The following ARMC2 variants were observed in gnomAD, a reference collection of about 807,000 sequenced individuals.
ARMC2 encodes the protein armadillo repeat-containing protein 2.
Under a neutral mutation model 90.3 loss-of-function variants are expected in ARMC2, and 67 were observed. The ratio of observed to expected loss-of-function variants is 0.74; its 90% confidence interval spans 0.61 to 0.91. The LOEUF (loss-of-function observed/expected upper bound fraction) is 0.91. ARMC2 is among the 40% of genes least tolerant of loss of function. ARMC2 has a pLI of 0.00. For synonymous variants in ARMC2, 393 were observed against 393.0 expected (o/e 1.00, Z 0.00); for missense variants, 920 against 1,030.9 (o/e 0.89, Z 1.47).
intron 12 of ARMC2, among the ~76,000 whole-genome samples, chr6:108,944,082 A>G (rs372561261): frequency 1.3e-5 from 2 of 152,074 alleles, no homozygotes; most frequent in East Asian, 1.9e-4. Flanking sequence ...CTTTAAAACC[A>G]TTTTCTCCAG....
the ARMC2 span, among the ~76,000 whole-genome samples, chr6:109,017,089 T>C: frequency 6.6e-6 from 1 of 152,262 alleles, no homozygotes; most frequent in East Asian, 1.9e-4. Flanking sequence ...GAAAGTTATA[T>C]TGTGAAGGTG....
At chr6:108,932,859 G>T (rs1775687936) in intron 11 of ARMC2, among the ~76,000 whole-genome samples, 1 of 152,096 alleles carries the variant, frequency 6.6e-6, no homozygotes, top group Non-Finnish European at 1.5e-5. Flanking sequence ...CTTTGTTGAA[G>T]ATCATGTGGT....
chr6:108,960,647 G>A (rs73514374), intron 13 of ARMC2, among the ~76,000 whole-genome samples: 4,298 of 152,176 alleles, frequency 0.028, 199 homozygotes, highest in African/African-American at 0.098. Context: ...ATTAAAGCAG[G>A]GTGAGAAAAA....
chr6:108,936,270 G>A (rs1375541710), intron 11 of ARMC2, among the ~76,000 whole-genome samples: 1 of 152,020 alleles, frequency 6.6e-6, no homozygotes, highest in Non-Finnish European at 1.5e-5. Context: ...TTGTTTGTTT[G>A]TTTTGAGGCA....
At chr6:109,039,167 A>AG in the ARMC2 span, among the ~76,000 whole-genome samples, 3 of 152,026 alleles carry the variant, frequency 2.0e-5, no homozygotes, top group South Asian at 2.1e-4. Context: ...GAGGAGGAGA[A>AG]GAAAGAAGAA....
At chr6:108,943,317 G>T (rs1776586435) in intron 12 of ARMC2, among the ~76,000 whole-genome samples, 1 of 152,056 alleles carries the variant, frequency 6.6e-6, no homozygotes, top group African/African-American at 2.4e-5. Context: ...GTTGTGGTGT[G>T]GTTTCACTTT....
downstream of ARMC2, among the ~76,000 whole-genome samples, chr6:108,978,844 G>A (rs1343086684): frequency 6.7e-6 from 1 of 150,082 alleles, no homozygotes; most frequent in African/African-American, 2.4e-5. Context: ...CTTTCTGTTT[G>A]CTTGGTAAAT....
chr6:108,958,163 G>C (rs1229170749), intron 13 of ARMC2, among the ~76,000 whole-genome samples: 1 of 152,146 alleles, frequency 6.6e-6, no homozygotes, highest in Admixed American at 6.5e-5. Flanking sequence ...CCTCATGCTG[G>C]AGTTAGGGCC....
At chr6:108,875,807 A>T (rs748887625) in intron 4 of ARMC2, among the ~76,000 whole-genome samples, 11 of 152,170 alleles carry the variant, frequency 7.2e-5, no homozygotes, top group Non-Finnish European at 1.3e-4. Context: ...TTATGTGATC[A>T]AATTCAGGAG....
chr6:108,975,640 A>G (rs1261276349), downstream of ARMC2, among the ~76,000 whole-genome samples: 1 of 152,116 alleles, frequency 6.6e-6, no homozygotes, highest in African/African-American at 2.4e-5. Flanking sequence ...AAGCATTCCT[A>G]TTTCTCCACA....
intron 10 of ARMC2, among the ~76,000 whole-genome samples, chr6:108,916,824 A>G (rs1052285481): frequency 1.3e-5 from 2 of 152,154 alleles, no homozygotes; most frequent in African/African-American, 4.8e-5. Context: ...CCTCCATCTG[A>G]AAGTCTGTTT....
chr6:108,973,331 C>T (rs749850711), intron 17 of ARMC2, 26 bp from the exon 18 acceptor site: 4 of 1,577,912 alleles, frequency 2.5e-6, no homozygotes, highest in Admixed American at 3.6e-5. Flanking sequence ...CTAAATAATG[C>T]TGTAATTTAA....
intron 5 of ARMC2, among the ~76,000 whole-genome samples, chr6:108,882,370 C>G (rs560166537): frequency 1.3e-5 from 2 of 149,714 alleles, no homozygotes; most frequent in Admixed American, 1.3e-4. Flanking sequence ...ACCCGGGAGG[C>G]AGAGCTTTCA....
chr6:108,879,576 A>G (rs983511265), intron 5 of ARMC2, among the ~76,000 whole-genome samples: 9 of 116,762 alleles, frequency 7.7e-5, no homozygotes, highest in African/African-American at 1.7e-4. Flanking sequence ...CCATCTATCT[A>G]TTCACCCACC....
the ARMC2 span, among the ~76,000 whole-genome samples, chr6:108,985,149 A>C: frequency 3.9e-5 from 6 of 152,192 alleles, no homozygotes; most frequent in African/African-American, 9.7e-5. Context: ...AAAATTTCAG[A>C]GTATATTGAT....
At chr6:109,043,372 A>G in the ARMC2 span, among the ~76,000 whole-genome samples, 55 of 152,264 alleles carry the variant, frequency 3.6e-4, no homozygotes, top group African/African-American at 1.3e-3. Flanking sequence ...AATAAAAGCC[A>G]TACAGATAAA....
chr6:108,907,625 A>C (rs981632604), intron 8 of ARMC2: 16 of 1,583,152 alleles, frequency 1.0e-5, no homozygotes, highest in Non-Finnish European at 1.1e-5. Flanking sequence ...GTATTTGCGG[A>C]GCCACTCGTG....
intron 11 of ARMC2, among the ~76,000 whole-genome samples, chr6:108,933,976 C>T (rs1397408602): frequency 6.6e-6 from 1 of 152,204 alleles, no homozygotes; most frequent in East Asian, 1.9e-4. Flanking sequence ...ATTCTCCTGC[C>T]TCAGCCTCCA....
At chr6:109,041,416 T>A in the ARMC2 span, among the ~76,000 whole-genome samples, 1 of 152,206 alleles carries the variant, frequency 6.6e-6, no homozygotes, top group Non-Finnish European at 1.5e-5. Flanking sequence ...CCAAACATAC[T>A]TGTACAAGTA....
Sources: gnomAD v4.1 joint callset for allele counts (sites outside exome capture counted in the v4.1 genomes callset) on GRCh38, gnomAD v4.1.1 for gene constraint, MANE v1.5 for transcripts, NCBI Gene and HGNC (gene_info 2026-07-23, HGNC 2026-07-21) for gene names.